The following PRKCZ variants were observed in gnomAD, a reference collection of about 807,000 sequenced individuals.
PRKCZ encodes protein kinase C zeta, also known as protein kinase C zeta type.
A neutral mutation model predicts 79.5 loss-of-function variants in PRKCZ; 33 were observed. The ratio of observed to expected loss-of-function variants is 0.41; its 90% CI spans 0.31 to 0.55. The LOEUF (loss-of-function observed/expected upper bound fraction) is 0.55. PRKCZ is among the 20% of genes least tolerant of loss of function. The pLI is 0.19. For missense variants in PRKCZ, 578 were observed against 813.5 expected (o/e 0.71, Z 3.52); for synonymous variants, 342 against 320.9 (o/e 1.07, Z -0.70).
chr1:2,152,919 G>A (rs527330527), intron 9 of PRKCZ, among the ~76,000 whole-genome samples: 42 of 152,260 alleles, frequency 2.8e-4, no homozygotes, highest in Non-Finnish European at 5.4e-4. Flanking sequence ...TCCCACCCTT[G>A]GCTGTTGTGA....
intron 4 of PRKCZ, among the ~76,000 whole-genome samples, chr1:2,078,918 C>T (rs1662946357): frequency 6.6e-6 from 1 of 150,792 alleles, no homozygotes; most frequent in South Asian, 2.1e-4. Context: ...TTTCGGCTCA[C>T]TGCAACCTCC....
chr1:2,066,003 C>T (rs1030228829), intron 4 of PRKCZ, among the ~76,000 whole-genome samples: 3 of 151,982 alleles, frequency 2.0e-5, no homozygotes, highest in African/African-American at 4.8e-5. Flanking sequence ...TGAAAAAATC[C>T]TTCTTGCTCT....
chr1:2,150,692 GAGC>G, intron 8 of PRKCZ, 95 bp from the exon 9 acceptor site: 1 of 1,248,140 alleles, frequency 8.0e-7, no homozygotes, highest in Non-Finnish European at 1.1e-6. Context: ...GGGCTCTGAG[GAGC>G]AGGTCTCTGT....
intron 1 of PRKCZ, among the ~76,000 whole-genome samples, chr1:2,053,493 G>T (rs116140727): frequency 2.6e-5 from 4 of 152,192 alleles, no homozygotes; most frequent in Non-Finnish European, 5.9e-5. Context: ...TCTCCCGGGC[G>T]GCCCAGCTGG....
At chr1:2,166,142 T>C (rs1683277359) in intron 10 of PRKCZ, among the ~76,000 whole-genome samples, 2 of 152,198 alleles carry the variant, frequency 1.3e-5, no homozygotes, top group Admixed American at 6.5e-5. Flanking sequence ...TGGACAGGCA[T>C]GTGCAGTGGC....
intron 4 of PRKCZ, among the ~76,000 whole-genome samples, chr1:2,134,593 G>A (rs1458199318): frequency 1.4e-5 from 2 of 143,748 alleles, no homozygotes; most frequent in African/African-American, 5.1e-5. Context: ...TCAAATGCAT[G>A]TTATAAAGAT....
intron 4 of PRKCZ, among the ~76,000 whole-genome samples, chr1:2,107,594 C>G (rs1668807843): frequency 6.6e-6 from 1 of 152,214 alleles, no homozygotes; most frequent in African/African-American, 2.4e-5. Context: ...TGATCACCCT[C>G]AGACACCGAA....
At chr1:2,083,327 G>A (rs1249432855) in intron 4 of PRKCZ, among the ~76,000 whole-genome samples, 2 of 151,434 alleles carry the variant, frequency 1.3e-5, no homozygotes, top group Admixed American at 6.6e-5. Context: ...AGTGGTCTCA[G>A]GACCCCCACC....
chr1:2,065,124 C>A (rs553466686), intron 4 of PRKCZ, among the ~76,000 whole-genome samples: 2 of 152,252 alleles, frequency 1.3e-5, no homozygotes, highest in South Asian at 4.1e-4. Flanking sequence ...GGAATTGTTT[C>A]CTTGATTTCC....
intron 4 of PRKCZ, among the ~76,000 whole-genome samples, chr1:2,060,495 G>A (rs1425702873): frequency 9.1e-6 from 1 of 109,740 alleles, no homozygotes; most frequent in Non-Finnish European, 2.1e-5. Context: ...AGCATAGGGG[G>A]CGAGAGTCTC....
In PRKCZ at chr1:2,139,697, T is replaced by C. The variant is rs1371313240; in HGVS notation, c.420+4350T>C. On this transcript the variant is annotated intron_variant, in intron 5 of 17. Coordinates refer to ENST00000378567, the MANE Select transcript of PRKCZ (RefSeq NM_002744.6). ...TGTGGGACAGGCATGGACCCTACTC[T>C]CTGGAAATCACGCAGAAATGTGCAG... is the stretch of plus-strand genomic sequence containing the variant. Among the ~76,000 whole-genome samples the C allele has an allele frequency of 2.6e-5, 4 of 152,238 alleles. No homozygotes were observed. In the East Asian group the frequency reaches 7.7e-4, roughly 29 times the overall value.
intron 9 of PRKCZ, among the ~76,000 whole-genome samples, chr1:2,152,252 G>A (rs981954304): frequency 1.3e-5 from 2 of 152,104 alleles, no homozygotes; most frequent in Non-Finnish European, 2.9e-5. Flanking sequence ...TACAGTTAGG[G>A]CCGGGCGCGG....
rs2102521001 is a variant in PRKCZ, at chr1:2,094,830, G to A, written c.334+35239G>A. Among the ~76,000 whole-genome samples the A allele has an allele frequency of 6.6e-6, 1 of 152,312 alleles. No homozygotes were observed. The highest frequency in any genetic ancestry group is 6.5e-5 in the Admixed American group (1 of 15,310). ...GTCTGGCTTCTCTGCTGGCTCTTTT[G>A]GCCTTGGATTCATTTCTGGAGCTGC... On this transcript the variant is annotated intron_variant, in intron 4 of 17. Coordinates refer to ENST00000378567, the MANE Select transcript of PRKCZ (RefSeq NM_002744.6). This position sits in a 1 kb window ranked among gnomAD's most constrained non-coding sequence, Gnocchi z 7.3.
At chr1:2,131,796 C>G (rs1368608923) in intron 4 of PRKCZ, among the ~76,000 whole-genome samples, 5 of 152,196 alleles carry the variant, frequency 3.3e-5, no homozygotes, top group African/African-American at 1.2e-4. Context: ...TGTCACATGA[C>G]TGTGTATTCT....
chr1:2,102,033 G>T (rs958791477), intron 4 of PRKCZ, among the ~76,000 whole-genome samples: 2 of 152,122 alleles, frequency 1.3e-5, no homozygotes, highest in African/African-American at 4.8e-5. Context: ...GTGGGGCTTT[G>T]GAAAAATTGT....
chr1:2,160,426 G>A lies in PRKCZ; in HGVS notation c.974+4334G>A, dbSNP rs139171200. ...CAGAGTGGGACTCCGTGGAGAGGGG[G>A]GCAGGCAAGGGTTGGGTCACGTAGG... is the stretch of plus-strand genomic sequence containing the variant. On this transcript the variant is annotated intron_variant, in intron 10 of 17. Transcript: ENST00000378567. 2.1e-3 allele frequency among the ~76,000 whole-genome samples: 319 copies of A among 152,318 alleles called. 2 individuals are homozygous for A. The highest frequency in any genetic ancestry group is 7.2e-3 in the African/African-American group (298 of 41,578).
chr1:2,071,227 G>C (rs1237335338), intron 4 of PRKCZ: 1 of 273,438 alleles, frequency 3.7e-6, no homozygotes, highest in Non-Finnish European at 7.5e-6. Flanking sequence ...TGTGAGGCTC[G>C]ACAGGGTTTA....
At chr1:2,136,133 C>T (rs907270502) in intron 5 of PRKCZ, among the ~76,000 whole-genome samples, 2 of 152,168 alleles carry the variant, frequency 1.3e-5, no homozygotes, top group African/African-American at 2.4e-5. Context: ...TGTCAACCTC[C>T]GCTGGGTGTA....
intron 4 of PRKCZ, among the ~76,000 whole-genome samples, chr1:2,060,044 TC>T (rs1660530731): frequency 6.6e-6 from 1 of 152,294 alleles, no homozygotes; most frequent in African/African-American, 2.4e-5. Flanking sequence ...GGCTGTGGCT[TC>T]AGAGGGAAGC....
Sources: allele counts gnomAD v4.1 joint callset (sites outside exome capture counted in the v4.1 genomes callset), GRCh38; gene constraint gnomAD v4.1.1; non-coding constraint Gnocchi (gnomAD v3.1); transcripts MANE v1.5; gene names NCBI Gene and HGNC (gene_info 2026-07-23, HGNC 2026-07-21).